Variants in TBX15 observed in about 807,000 individuals in gnomAD.
TBX15 encodes T-box transcription factor 15, also known as T-box transcription factor TBX15.
TBX15 carries 18 observed loss-of-function variants against 53.9 expected under a neutral mutation model. That is an observed-to-expected ratio of 0.33 (90% confidence interval 0.23 to 0.49). The LOEUF (loss-of-function observed/expected upper bound fraction) is 0.49, where lower values mean the gene tolerates loss of function less well. Among genes scored for constraint, TBX15 ranks in the 20% least tolerant of loss-of-function variants. The pLI, the probability that TBX15 is intolerant of heterozygous loss-of-function variation, is 0.98. For synonymous variants in TBX15, 295 were observed against 278.0 expected (o/e 1.06, Z -0.61); for missense variants, 692 against 749.5 (o/e 0.92, Z 0.90).
rs979570999 is a variant in TBX15 at position 118,918,940 on chromosome 1, C to T, written c.861+4496G>A. ...ATACTATATTGCTTGAAAGGTTTTC[C>T]ATAGGGGGGAAAACAAAACAAAACA... On this transcript the variant is annotated intron_variant, in intron 5 of 7. Transcript: ENST00000369429. Among the ~76,000 whole-genome samples, 5 of 152,136 alleles carry T rather than the reference C, an allele frequency of 3.3e-5. No homozygotes were observed. In the East Asian group the frequency reaches 9.7e-4, roughly 29 times the overall value.
chr1:118,956,718 CG>C (rs1302554850), intron 1 of TBX15, among the ~76,000 whole-genome samples: 5 of 151,802 alleles, frequency 3.3e-5, no homozygotes, highest in African/African-American at 4.8e-5. Flanking sequence ...TTTGGGAGGC[CG>C]AAGTGGGAAG....
chr1:118,912,864 T>C (rs1655066529), intron 6 of TBX15, among the ~76,000 whole-genome samples: 1 of 152,214 alleles, frequency 6.6e-6, no homozygotes, highest in African/African-American at 2.4e-5. Context: ...CACTAACAAG[T>C]AGTTGCTTGA....
Position 118,987,707 on chromosome 1 carries a change from C to G in TBX15, c.89G>C (p.Arg30Pro), listed in dbSNP as rs1186288954. 3 of 1,550,324 alleles carry G rather than the reference C, an allele frequency of 1.9e-6. No individual in the cohort carries two copies. The highest frequency in any genetic ancestry group is 2.6e-6 in the Non-Finnish European group (3 of 1,146,872). Residue 30 changes from arginine to proline, a missense_variant, in exon 1 of 8, where the codon CGG becomes CCG. Around this residue, in one of 3 missense-constraint regions of TBX15, gnomAD observed 307 missense variants for 347.5 expected, o/e 0.88. Coordinates refer to ENST00000369429, the MANE Select transcript of TBX15 (RefSeq NM_001330677.2). ...CTTCTCCTCCCAGTCTCGCAGTTTCCGTTTTTTATTTGAGCCGATCAAGGC... is the reference window on the plus strand; with the variant it reads ...CTTCTCCTCCCAGTCTCGCAGTTTCGGTTTTTTATTTGAGCCGATCAAGGC... ...VEALIGSNKKRKLRDWEEKGL... is the reference protein window; with the variant it reads ...VEALIGSNKKPKLRDWEEKGL...
chr1:118,899,224 A>C lies in TBX15; in HGVS notation c.927-99T>G. 11 of 1,078,486 alleles carry C rather than the reference A, an allele frequency of 1.0e-5. No individual in the cohort carries two copies. The South Asian group carries it at 1.2e-4, about 12-fold the overall frequency. The allele number at this position is 1,078,486 out of a possible 1,614,324, so 66.8% of individuals were successfully genotyped here. A position where few individuals can be genotyped will look rare whatever the true frequency, so the allele number is the denominator to read the frequency against. On this transcript the variant is annotated intron_variant, in intron 6 of 7. Coordinates refer to ENST00000369429, the MANE Select transcript of TBX15 (RefSeq NM_001330677.2). ...GGTGGACTGTCAAACAGGTAATAAA[A>C]ACATAGATACTAAGCTACCACCATC...
intron 6 of TBX15, among the ~76,000 whole-genome samples, chr1:118,900,896 G>A (rs1288745212): frequency 6.6e-6 from 1 of 152,104 alleles, no homozygotes; most frequent in Non-Finnish European, 1.5e-5. Context: ...AATGGCACAG[G>A]AGGCTCACTG....
chr1:118,897,758 G>T (rs1421680012), intron 7 of TBX15, among the ~76,000 whole-genome samples: 3 of 152,162 alleles, frequency 2.0e-5, no homozygotes, highest in East Asian at 3.9e-4. Flanking sequence ...TCAAAGCCAT[G>T]GTGACACCTT....
rs12752481 is a variant in TBX15, at chr1:118,932,754, G to A, written c.206-922C>T. On this transcript the variant is annotated intron_variant, in intron 1 of 7. Transcript: ENST00000369429. Reference sequence around the variant, plus strand: ...GAGAAGGCTAGAGCCAGATTTACCCGGGAAGATTTACTGGAATTTTAAATA... The same window carrying A: ...GAGAAGGCTAGAGCCAGATTTACCCAGGAAGATTTACTGGAATTTTAAATA... Among the ~76,000 whole-genome samples, 450 of 152,224 alleles carry A rather than the reference G, an allele frequency of 3.0e-3. 4 individuals carry two copies. Among genetic ancestry groups the A allele is most frequent in the African/African-American group, 8.9e-3 (369 of 41,530 alleles).
At chr1:118,893,020 G>T (rs917025867) in intron 7 of TBX15, among the ~76,000 whole-genome samples, 6 of 151,868 alleles carry the variant, frequency 4.0e-5, no homozygotes, top group African/African-American at 1.5e-4. Flanking sequence ...ATCACTTCAG[G>T]TCAGGAGTTT....
At chr1:118,914,676 T>G (rs974527123) in intron 5 of TBX15, among the ~76,000 whole-genome samples, 1 of 152,212 alleles carries the variant, frequency 6.6e-6, no homozygotes, top group Non-Finnish European at 1.5e-5. Context: ...AAAAATTGAC[T>G]GCATTTGCCA....
intron 4 of TBX15, 45 bp downstream of exon 4, chr1:118,924,601 C>G (rs770855716): frequency 6.8e-6 from 11 of 1,612,278 alleles, no homozygotes; most frequent in Non-Finnish European, 9.3e-6. Context: ...CTAAAGCAAA[C>G]AGAGGAAGAG....
chr1:118,905,332 A>G (rs1007328241), intron 6 of TBX15, among the ~76,000 whole-genome samples: 1 of 152,198 alleles, frequency 6.6e-6, no homozygotes, highest in Non-Finnish European at 1.5e-5. Context: ...GTTCGATGAC[A>G]CCATCCCTGG....
At position 118,931,750 on chromosome 1, in the gene TBX15, G is replaced by C; in HGVS notation, c.288C>G (p.Ala96=). 1 of 1,613,488 alleles carries C rather than the reference G, an allele frequency of 6.2e-7. No homozygotes were observed. The highest frequency in any genetic ancestry group is 1.1e-5 in the South Asian group (1 of 90,946). The change falls in exon 2 of 8, where the codon GCC becomes GCG. Residue 96 remains alanine (A), a synonymous_variant. Transcript: ENST00000369429. ...SCSFSTHTDL[A]SGAAGPVPAA... Reference sequence around the variant, plus strand: ...CAGGCACAGGGCCTGCAGCACCAGAGGCCAGGTCAGTGTGAGTACTGAAGG... The same window carrying C: ...CAGGCACAGGGCCTGCAGCACCAGACGCCAGGTCAGTGTGAGTACTGAAGG...
rs567606158 is a variant in TBX15, at chr1:118,928,232, T to C, written c.420-1621A>G. Among the ~76,000 whole-genome samples, 7 of 152,340 alleles carry C rather than the reference T, an allele frequency of 4.6e-5. No individual in the cohort carries two copies. In the South Asian group the frequency reaches 1.5e-3, roughly 32 times the overall value. On this transcript the variant is annotated intron_variant, in intron 2 of 7. Coordinates refer to ENST00000369429, the MANE Select transcript of TBX15 (RefSeq NM_001330677.2). Reference sequence around the variant, plus strand: ...AAGCACAAGAAGGATCACAGTCCTTTAATAGAGATGGTGGCTAATTCTTAT... The same window carrying C: ...AAGCACAAGAAGGATCACAGTCCTTCAATAGAGATGGTGGCTAATTCTTAT...
At chr1:118,918,972 C>G (rs1041053380) in intron 5 of TBX15, among the ~76,000 whole-genome samples, 3 of 152,136 alleles carry the variant, frequency 2.0e-5, no homozygotes, top group South Asian at 2.1e-4. Context: ...AACAAAAAAC[C>G]TTAGCCCATA....
intron 1 of TBX15, among the ~76,000 whole-genome samples, chr1:118,975,872 A>T (rs1194921064): frequency 6.6e-6 from 1 of 152,218 alleles, no homozygotes; most frequent in Non-Finnish European, 1.5e-5. Flanking sequence ...TCTAATTTGA[A>T]CACTGAGACC....
intron 6 of TBX15, among the ~76,000 whole-genome samples, chr1:118,901,963 T>C (rs1230393114): frequency 1.3e-5 from 2 of 152,088 alleles, no homozygotes; most frequent in African/African-American, 4.8e-5. Flanking sequence ...TGGAATTGTG[T>C]GGGGAGGGTT....
In TBX15 at chr1:118,926,625, T is replaced by C; in HGVS notation, c.420-14A>G. The C allele has an allele frequency of 6.2e-7, 1 of 1,608,570 alleles. No individual in the cohort carries two copies. The highest frequency in any genetic ancestry group is 8.5e-7 in the Non-Finnish European group (1 of 1,175,666). ...GGAAACATCCTCCTATGAAGATGAATAAAACAGAAAGCTCAGAAATCAGGG... is the reference window on the plus strand; with the variant it reads ...GGAAACATCCTCCTATGAAGATGAACAAAACAGAAAGCTCAGAAATCAGGG... On this transcript the variant is annotated splice_polypyrimidine_tract_variant and intron_variant, in intron 2 of 7. Coordinates refer to ENST00000369429, the MANE Select transcript of TBX15 (RefSeq NM_001330677.2).
At chr1:118,955,459 A>T (rs988125443) in intron 1 of TBX15, among the ~76,000 whole-genome samples, 2 of 152,214 alleles carry the variant, frequency 1.3e-5, no homozygotes, top group Admixed American at 6.5e-5. Context: ...TCAATCAATG[A>T]ATAATGGGGG....
At chr1:118,922,279 T>C (rs1655449796) in intron 5 of TBX15, among the ~76,000 whole-genome samples, 1 of 152,208 alleles carries the variant, frequency 6.6e-6, no homozygotes, top group South Asian at 2.1e-4. Context: ...TAGTTACCTA[T>C]GGATTATAAT....
Sources: gnomAD v4.1 joint callset for allele counts (sites outside exome capture counted in the v4.1 genomes callset) on GRCh38, gnomAD v4.1.1 for gene constraint, gnomAD v4.1.1 regional missense constraint, MANE v1.5 for transcripts, NCBI Gene and HGNC (gene_info 2026-07-23, HGNC 2026-07-21) for gene names.